The following ZNF627 variants were observed in gnomAD, a reference collection of about 807,000 sequenced individuals.
ZNF627 encodes the protein zinc finger protein 627.
ZNF627 carries 12 observed loss-of-function variants against 10.6 expected under a neutral mutation model. The observed-to-expected ratio is 1.13, with a 90% CI of 0.73 to 1.84. ZNF627 has a LOEUF of 1.84. ZNF627 is among the 40% of genes most tolerant of loss of function. The probability of loss-of-function intolerance (pLI) is 0.00; values close to 1 mark genes in which losing one functional copy is unlikely to be tolerated. For missense variants in ZNF627, 504 were observed against 568.4 expected (o/e 0.89, Z 1.15); for synonymous variants, 176 against 187.1 (o/e 0.94, Z 0.48).
intron 1 of ZNF627, among the ~76,000 whole-genome samples, chr19:11,603,968 T>G (rs1034415086): frequency 6.6e-6 from 1 of 151,206 alleles, no homozygotes; most frequent in Non-Finnish European, 1.5e-5. Context: ...CCACCACATC[T>G]GGCTAATTTT....
intron 1 of ZNF627, among the ~76,000 whole-genome samples, chr19:11,597,877 A>G (rs551081963): frequency 3.3e-5 from 5 of 152,322 alleles, no homozygotes; most frequent in Non-Finnish European, 7.4e-5. Context: ...CGGGAGGGTC[A>G]TGGGGGTATC....
rs1326502713 is a variant in ZNF627, at chr19:11,610,533, G to A, written c.4-3994G>A. ...GGGAGGATCATCTGAGCCTAGGGAG[G>A]TCGAGGTTGCAATAAGTCGTGATTA... is the stretch of plus-strand genomic sequence containing the variant. On this transcript the variant is annotated intron_variant, in intron 1 of 3. Transcript: ENST00000361113. Among the ~76,000 whole-genome samples, 6 of 152,052 alleles carry A rather than the reference G, an allele frequency of 3.9e-5. No homozygotes were observed. In the East Asian group the frequency reaches 9.6e-4, roughly 24 times the overall value.
chr19:11,615,567 C>T (rs1449235167), intron 3 of ZNF627, among the ~76,000 whole-genome samples: 1 of 148,182 alleles, frequency 6.7e-6, no homozygotes, highest in Non-Finnish European at 1.5e-5. Flanking sequence ...GGCACCACTG[C>T]ACTCCAGCCT....
intron 3 of ZNF627, among the ~76,000 whole-genome samples, chr19:11,616,343 G>T (rs1309701459): frequency 6.6e-6 from 1 of 152,126 alleles, no homozygotes; most frequent in African/African-American, 2.4e-5. Flanking sequence ...ACTGCGTCTG[G>T]CCATGAATAT....
At chr19:11,614,132 G>A (rs1236240940) in intron 1 of ZNF627, among the ~76,000 whole-genome samples, 2 of 151,882 alleles carry the variant, frequency 1.3e-5, no homozygotes, top group Non-Finnish European at 2.9e-5. Context: ...TTGTTAGCCA[G>A]GATGGTCTCG....
intron 1 of ZNF627, chr19:11,604,166 A>G (rs572474703): frequency 2.0e-5 from 3 of 152,158 alleles, no homozygotes; most frequent in Admixed American, 6.6e-5. Context: ...GTTACTAACT[A>G]AAGTTTACAC....
intron 1 of ZNF627, among the ~76,000 whole-genome samples, chr19:11,610,047 A>ATTTT (rs71166614): frequency 8.7e-6 from 1 of 114,842 alleles, no homozygotes. Context: ...TGGGATTTGA[A>ATTTT]TTTTTTTTTT....
intron 1 of ZNF627, among the ~76,000 whole-genome samples, chr19:11,608,292 G>C (rs1256203919): frequency 6.6e-6 from 1 of 152,126 alleles, no homozygotes; most frequent in East Asian, 1.9e-4. Flanking sequence ...TGAGATTTGG[G>C]TGGGGGCACA....
At chr19:11,611,695 G>A (rs1973774746) in intron 1 of ZNF627, among the ~76,000 whole-genome samples, 1 of 152,212 alleles carries the variant, frequency 6.6e-6, no homozygotes. Flanking sequence ...CGCTGGGCGT[G>A]ACAGAAGGGT....
rs1359240819 is a variant in ZNF627 at position 11,617,911 on chromosome 19, G to C, written c.*22G>C. The C allele has an allele frequency of 6.7e-7, 1 of 1,497,668 alleles. No individual in the cohort carries two copies. The highest frequency in any genetic ancestry group is 2.3e-5 in the East Asian group (1 of 43,876). The allele number at this position is 1,497,668 out of a possible 1,614,324, so 92.8% of individuals were successfully genotyped here. ...ATGAGCATGAAAGGAGTCACATAGA[G>C]AAACCCCATGAAAGTAAGAAATTTG... On this transcript the variant is annotated 3_prime_UTR_variant, in exon 4 of 4. Coordinates refer to ENST00000361113, the MANE Select transcript of ZNF627 (RefSeq NM_145295.4).
Position 11,616,957 on chromosome 19 carries a change from C to T in ZNF627, c.454C>T (p.Arg152Cys), listed in dbSNP as rs372586505. The change falls in exon 4 of 4, where the codon CGC becomes TGC. Residue 152 changes from arginine (R) to cysteine (C), a missense_variant. By Grantham distance (180) the Arg-to-Cys change is radical. Transcript: ENST00000361113. Reference sequence around the variant, plus strand: ...GTGTGGACGAGCCTTGAGTTATCATCGCTCTTTTCCAGTACGTGAAAGGAC... The same window carrying T: ...GTGTGGACGAGCCTTGAGTTATCATTGCTCTTTTCCAGTACGTGAAAGGAC... ...NQCGRALSYH[R>C]SFPVRERTHP... 1.1e-5 allele frequency: 17 copies of T among 1,614,042 alleles called. No individual in the cohort carries two copies. Among genetic ancestry groups the T allele is most frequent in the Admixed American group, 1.7e-5 (1 of 59,996 alleles).
chr19:11,616,365 A>C (rs1005835047), intron 3 of ZNF627, among the ~76,000 whole-genome samples: 4 of 152,094 alleles, frequency 2.6e-5, no homozygotes, highest in Non-Finnish European at 5.9e-5. Flanking sequence ...ATTTTTTGAT[A>C]ATAGGTATGG....
Position 11,617,812 on chromosome 19 carries a change from C to A in ZNF627, c.1309C>A (p.His437Asn). The stretch of plus-strand genomic sequence containing the variant: ...CAGTCGATCCACTTACTTTCGAGTA[C>A]ATGAAAAAATTCATACTGGAGAGAA... ...AFSRSTYFRV[H>N]EKIHTGEKPY... The change falls in exon 4 of 4, where the codon CAT becomes AAT. Residue 437 changes from histidine (H) to asparagine (N), a missense_variant. His to Asn is a moderately conservative substitution (Grantham distance 68). Coordinates refer to ENST00000361113, the MANE Select transcript of ZNF627 (RefSeq NM_145295.4). The A allele has an allele frequency of 6.2e-7, 1 of 1,608,564 alleles. No homozygotes were observed. Among genetic ancestry groups the A allele is most frequent in the Non-Finnish European group, 8.5e-7 (1 of 1,178,308 alleles).
chr19:11,607,428 C>A (rs1973694124), intron 1 of ZNF627, among the ~76,000 whole-genome samples: 1 of 151,934 alleles, frequency 6.6e-6, no homozygotes, highest in Non-Finnish European at 1.5e-5. Context: ...AGCCACCACG[C>A]CTGGCTGGGT....
At position 11,614,808 on chromosome 19, in the gene ZNF627, T is replaced by C. The variant is rs746398012; in HGVS notation, c.131-19T>C. 1.3e-6 allele frequency: 2 copies of C among 1,598,156 alleles called. No homozygotes were observed. The highest frequency in any genetic ancestry group is 8.5e-7 in the Non-Finnish European group (1 of 1,174,606). ...ATTTTATACTAATTCATAATGACTT[T>C]TCTGGGTCTAAATTTTAGGAAAACA... On this transcript the variant is annotated intron_variant, in intron 2 of 3. Transcript: ENST00000361113.
At chr19:11,602,211 G>T (rs1267305136) in intron 1 of ZNF627, among the ~76,000 whole-genome samples, 13 of 152,022 alleles carry the variant, frequency 8.6e-5, no homozygotes, top group Admixed American at 7.9e-4. Flanking sequence ...CAGGCTGGGG[G>T]TGGGTCAAAG....
intron 1 of ZNF627, among the ~76,000 whole-genome samples, chr19:11,610,126 A>G (rs1973749557): frequency 7.0e-6 from 1 of 143,544 alleles, no homozygotes; most frequent in African/African-American, 2.6e-5. Flanking sequence ...ATCTCAGCTC[A>G]CTGCAACCTC....
Position 11,614,513 on chromosome 19 carries a change from G to T in ZNF627, c.4-14G>T. ...GTCTCAACCTTCCTCCTCCACACAT[G>T]GGGGATGTTTCAGGATTCAGTGGCC... On this transcript the variant is annotated splice_polypyrimidine_tract_variant and intron_variant, in intron 1 of 3. Coordinates refer to ENST00000361113, the MANE Select transcript of ZNF627 (RefSeq NM_145295.4). The T allele has an allele frequency of 5.6e-6, 9 of 1,613,742 alleles. No homozygotes were observed. Among genetic ancestry groups the T allele is most frequent in the Non-Finnish European group, 7.6e-6 (9 of 1,179,928 alleles).
At chr19:11,600,280 AAC>A (rs892881976) in intron 1 of ZNF627, among the ~76,000 whole-genome samples, 2 of 151,940 alleles carry the variant, frequency 1.3e-5, no homozygotes, top group African/African-American at 2.4e-5. Flanking sequence ...CTCTACTAAA[AAC>A]ACAAAAAATT....
Sources: allele counts gnomAD v4.1 joint callset (sites outside exome capture counted in the v4.1 genomes callset), GRCh38; gene constraint gnomAD v4.1.1; transcripts MANE v1.5; gene names NCBI Gene and HGNC (gene_info 2026-07-23, HGNC 2026-07-21).